The following SPAG16 variants were observed in gnomAD, a reference collection of about 807,000 sequenced individuals.
The protein encoded by SPAG16 is sperm associated antigen 16, also known as sperm-associated antigen 16 protein.
Under a neutral mutation model 80.4 loss-of-function variants are expected in SPAG16, and 86 were observed. That is an observed-to-expected ratio of 1.07 (90% CI 0.90 to 1.28). SPAG16 has a LOEUF of 1.28. Among genes scored for constraint, SPAG16 ranks in the 50% most tolerant of loss-of-function variants. The pLI is 0.00. For synonymous variants in SPAG16, 294 were observed against 265.9 expected (o/e 1.11, Z -1.03); for missense variants, 870 against 765.3 (o/e 1.14, Z -1.61).
intron 10 of SPAG16, among the ~76,000 whole-genome samples, chr2:213,587,832 G>A (rs1268885546): frequency 1.3e-5 from 2 of 152,094 alleles, no homozygotes; most frequent in Non-Finnish European, 2.9e-5. Context: ...AGACAATTCG[G>A]CCAAGTTGTA....
chr2:213,498,122 A>G (rs1318960281), intron 10 of SPAG16, among the ~76,000 whole-genome samples: 1 of 152,130 alleles, frequency 6.6e-6, no homozygotes, highest in Non-Finnish European at 1.5e-5. Context: ...TGTATTCATT[A>G]TTCTGTTTAA....
At chr2:213,959,093 G>T (rs1037228826) in intron 12 of SPAG16, among the ~76,000 whole-genome samples, 2 of 152,056 alleles carry the variant, frequency 1.3e-5, no homozygotes, top group Non-Finnish European at 1.5e-5. Flanking sequence ...ACTGCCTTCT[G>T]GCTTCCATAG....
intron 9 of SPAG16, among the ~76,000 whole-genome samples, chr2:213,459,730 G>A (rs1475462718): frequency 1.3e-5 from 2 of 152,184 alleles, no homozygotes; most frequent in African/African-American, 4.8e-5. Flanking sequence ...CATGCATGTC[G>A]CTATTCTCTT....
At chr2:213,500,746 T>C (rs184810929) in intron 10 of SPAG16, among the ~76,000 whole-genome samples, 5 of 152,290 alleles carry the variant, frequency 3.3e-5, no homozygotes, top group African/African-American at 1.2e-4. Context: ...CCAGCTGTCA[T>C]ATTTGAGAGC....
intron 13 of SPAG16, among the ~76,000 whole-genome samples, chr2:214,017,079 A>G (rs2047626861): frequency 6.6e-6 from 1 of 152,176 alleles, no homozygotes; most frequent in Non-Finnish European, 1.5e-5. Flanking sequence ...AAACTAAGGT[A>G]GAGCTACCCA....
At chr2:213,742,554 T>TGG (rs1553621195) in intron 10 of SPAG16, among the ~76,000 whole-genome samples, 2 of 10,668 alleles carry the variant, frequency 1.9e-4, no homozygotes, top group Non-Finnish European at 1.6e-3. Context: ...TTTCTTTTTT[T>TGG]TTTTTTTTTT....
rs540735748 is a variant in SPAG16, at chr2:214,270,706, A to G, written c.1720+121440A>G. Among the ~76,000 whole-genome samples the G allele has an allele frequency of 2.6e-5, 4 of 152,232 alleles. No homozygotes were observed. In the East Asian group the frequency reaches 7.7e-4, roughly 29 times the overall value. ...ATGCCTGAAATGCATATGCTTGATT[A>G]GTCCCGTGGTTGTCTCCATAGCGCC... On this transcript the variant is annotated intron_variant, in intron 15 of 15. Coordinates refer to ENST00000331683, the MANE Select transcript of SPAG16 (RefSeq NM_024532.5).
intron 15 of SPAG16, among the ~76,000 whole-genome samples, chr2:214,292,597 T>C (rs1693876216): frequency 6.6e-6 from 1 of 152,230 alleles, no homozygotes; most frequent in Non-Finnish European, 1.5e-5. Flanking sequence ...TTTTTATTTA[T>C]CTTTCTGAGC....
At chr2:214,059,224 A>ATGTG (rs1312943056) in intron 13 of SPAG16, among the ~76,000 whole-genome samples, 1 of 68,914 alleles carries the variant, frequency 1.5e-5, no homozygotes, top group African/African-American at 5.5e-5. Flanking sequence ...ATGTATGTGT[A>ATGTG]TATATATATA....
At chr2:213,969,276 A>G (rs539515559) in intron 12 of SPAG16, among the ~76,000 whole-genome samples, 271 of 152,306 alleles carry the variant, frequency 1.8e-3, no homozygotes, top group African/African-American at 6.3e-3. Flanking sequence ...ATAATTCTCC[A>G]TCCAGATTAT....
rs73988592 is a variant in SPAG16 at position 213,700,552 on chromosome 2, C to T, written c.1071-161933C>T. ...ACATTTTCTAGAATGTTACTTACAT[C>T]TTAATGAAGGGATAATCATGCTATG... On this transcript the variant is annotated intron_variant, in intron 10 of 15. Coordinates refer to ENST00000331683, the MANE Select transcript of SPAG16 (RefSeq NM_024532.5). Among the ~76,000 whole-genome samples, 1,144 of 152,264 alleles carry T rather than the reference C, an allele frequency of 7.5e-3. 24 individuals carry two copies. Among genetic ancestry groups the T allele is most frequent in the African/African-American group, 0.026 (1,101 of 41,550 alleles).
intron 3 of SPAG16, among the ~76,000 whole-genome samples, chr2:213,308,623 A>G (rs13389781): frequency 0.22 from 33,058 of 152,120 alleles, 4,432 homozygotes; most frequent in Non-Finnish European, 0.31. Context: ...CAGGGTTGCA[A>G]CATTTTCCAT....
At chr2:213,703,781 G>T (rs1169533107) in intron 10 of SPAG16, among the ~76,000 whole-genome samples, 1 of 152,200 alleles carries the variant, frequency 6.6e-6, no homozygotes, top group Admixed American at 6.5e-5. Flanking sequence ...TTCAACAGGG[G>T]ACTTCTGTAA....
intron 5 of SPAG16, chr2:213,317,567 A>G: frequency 8.2e-7 from 1 of 1,223,426 alleles, no homozygotes; most frequent in Non-Finnish European, 1.0e-6. Flanking sequence ...AAGGGAATGC[A>G]GGTAGTTGTT....
At chr2:213,690,121 A>C (rs1042842340) in intron 10 of SPAG16, among the ~76,000 whole-genome samples, 4 of 152,184 alleles carry the variant, frequency 2.6e-5, no homozygotes, top group African/African-American at 9.7e-5. Flanking sequence ...GTCTTAGAAC[A>C]TTTATACTGG....
At chr2:213,391,905 C>T (rs56177202) in intron 9 of SPAG16, among the ~76,000 whole-genome samples, 44,771 of 151,960 alleles carry the variant, frequency 0.29, 7,070 homozygotes, top group African/African-American at 0.35. Context: ...TAGAGAATTA[C>T]GGTGGCTAAT....
chr2:214,343,467 A>C (rs1258282481), intron 15 of SPAG16, among the ~76,000 whole-genome samples: 3 of 152,180 alleles, frequency 2.0e-5, no homozygotes, highest in African/African-American at 7.2e-5. Context: ...CTGATAGAAA[A>C]AAAATTAAAA....
chr2:213,325,681 T>C (rs1438658161), intron 5 of SPAG16, among the ~76,000 whole-genome samples: 1 of 151,716 alleles, frequency 6.6e-6, no homozygotes, highest in African/African-American at 2.4e-5. Flanking sequence ...ATTGATACTG[T>C]CACAAGTTTT....
chr2:213,286,452 T>TG (rs1243322832), intron 1 of SPAG16, among the ~76,000 whole-genome samples: 3 of 152,222 alleles, frequency 2.0e-5, no homozygotes, highest in African/African-American at 7.2e-5. Context: ...CCTGTATCCC[T>TG]GGGCACTCTT....
Sources: gnomAD v4.1 joint callset for allele counts (sites outside exome capture counted in the v4.1 genomes callset) on GRCh38, gnomAD v4.1.1 for gene constraint, MANE v1.5 for transcripts, NCBI Gene and HGNC (gene_info 2026-07-23, HGNC 2026-07-21) for gene names.